CTTN: variants seen among roughly 807,000 people sequenced by gnomAD.
CTTN encodes cortactin.
A neutral mutation model predicts 84.0 loss-of-function variants in CTTN; 28 were observed. The ratio of observed to expected loss-of-function variants is 0.33; its 90% CI spans 0.25 to 0.46. The LOEUF is 0.46. CTTN is among the 20% of genes least tolerant of loss of function. CTTN has a pLI of 1.00. For synonymous variants in CTTN, 301 were observed against 288.8 expected, an observed-to-expected ratio of 1.04 and a Z score of -0.43; for missense variants, 641 against 723.8, an observed-to-expected ratio of 0.89 and a Z score of 1.31.
At chr11:70,415,958 C>A in intron 7 of CTTN, 1 of 472,196 alleles carries the variant, frequency 2.1e-6, no homozygotes, top group Non-Finnish European at 3.8e-6. Context: ...CCCTCGGAGC[C>A]CTGGCATCTG....
chr11:70,415,995 G>C (rs1236736628), intron 7 of CTTN: 4 of 412,920 alleles, frequency 9.7e-6, no homozygotes, highest in Non-Finnish European at 1.8e-5. Context: ...TCTCCCCCTT[G>C]TAGCGGAAGC....
At chr11:70,412,485 A>C (rs2058105761) in intron 5 of CTTN, among the ~76,000 whole-genome samples, 1 of 152,192 alleles carries the variant, frequency 6.6e-6, no homozygotes, top group African/African-American at 2.4e-5. Flanking sequence ...GTTATTTGTA[A>C]CTTGCCCACT....
At position 70,421,510 on chromosome 11, in the gene CTTN, G is replaced by A. The variant is rs374606099; in HGVS notation, c.831G>A (p.Ser277=). Residue 277 remains serine, a synonymous_variant, in exon 11 of 18, where the codon TCG becomes TCA. Transcript: ENST00000301843. ...TTGGAGGCAAATTCGGTGTTCAGTC[G>A]GAGAGGCAGGACTCCGCTGCTGTGG... The part of the protein sequence containing the change: ...TGFGGKFGVQ[S]ERQDSAAVGF... The A allele has an allele frequency of 6.1e-5, 99 of 1,614,104 alleles. No homozygotes were observed. The highest frequency in any genetic ancestry group is 3.3e-4 in the Middle Eastern group (2 of 6,062).
Position 70,400,320 on chromosome 11 carries a change from G to A in CTTN, c.-98+1706G>A, listed in dbSNP as rs533015267. Reference sequence around the variant, plus strand: ...CTTGTGTCTACAAAAAAAGAAATTCGCTGGGCATGTTGGCTTGCACCTGTT... The same window carrying A: ...CTTGTGTCTACAAAAAAAGAAATTCACTGGGCATGTTGGCTTGCACCTGTT... On this transcript the variant is annotated intron_variant, in intron 1 of 17. Transcript: ENST00000301843. Among the ~76,000 whole-genome samples, 72 of 152,234 alleles carry A rather than the reference G, an allele frequency of 4.7e-4. 1 individual carries two copies. In the South Asian group the frequency reaches 0.014, roughly 30 times the overall value.
chr11:70,422,919 T>C, intron 11 of CTTN, 21 bp from the exon 12 acceptor site: 1 of 1,614,092 alleles, frequency 6.2e-7, no homozygotes, highest in East Asian at 2.2e-5. Flanking sequence ...AGAGTAAGTG[T>C]TGTGTTTTGC....
intron 15 of CTTN, 118 bp downstream of exon 15, chr11:70,431,398 C>T (rs1423447559): frequency 3.5e-5 from 38 of 1,075,954 alleles, no homozygotes; most frequent in Non-Finnish European, 4.7e-5. Context: ...TAGAGGGCAT[C>T]GCTGCATTCC....
In CTTN at chr11:70,425,388, A is replaced by G. The variant is rs1390910143; in HGVS notation, c.1014A>G (p.Val338=). 1.9e-6 allele frequency: 3 copies of G among 1,611,480 alleles called. No individual in the cohort carries two copies. Among genetic ancestry groups the G allele is most frequent in the Non-Finnish European group, 2.5e-6 (3 of 1,178,898 alleles). ...TGTCCTCTGCCTACCAGAAGACAGT[A>G]CCTGTCGAAGCTGGTGAGTCCCGGC... ...TQVSSAYQKT[V]PVEAVTSKTS... Residue 338 remains valine, a synonymous_variant, in exon 13 of 18, where the codon GTA becomes GTG. Coordinates refer to ENST00000301843, the MANE Select transcript of CTTN (RefSeq NM_005231.4).
Position 70,435,253 on chromosome 11 carries a change from G to GGTTTTTTTTTTTTT in CTTN, c.*91_*92insGTTTTTTTTTTTTT. 1.1e-6 allele frequency: 1 copy of GGTTTTTTTTTTTTT among 936,826 alleles called. No individual in the cohort carries two copies. The highest frequency in any genetic ancestry group is 1.3e-6 in the Non-Finnish European group (1 of 761,254). The allele number at this position is 936,826 out of a possible 1,614,324, so 58.0% of individuals were successfully genotyped here. On this transcript the variant is annotated 3_prime_UTR_variant, in exon 18 of 18. Coordinates refer to ENST00000301843, the MANE Select transcript of CTTN (RefSeq NM_005231.4). ...TCTTGGGTGGTTTTGGGTTTTTTCT[G>GGTTTTTTTTTTTTT]TTTTTTTTTTTTTTTTTTTTTTTTT...
At chr11:70,402,717 A>G (rs1031919814) in intron 1 of CTTN, among the ~76,000 whole-genome samples, 2 of 152,200 alleles carry the variant, frequency 1.3e-5, no homozygotes, top group African/African-American at 4.8e-5. Context: ...ACCACATGTT[A>G]TGTATCTATC....
At position 70,435,597 on chromosome 11, in the gene CTTN, G is replaced by A. The variant is rs762078691; in HGVS notation, c.*435G>A. The A allele has an allele frequency of 1.3e-5, 21 of 1,579,750 alleles. 1 individual carries two copies. The South Asian group carries it at 1.5e-4, about 11-fold the overall frequency. On this transcript the variant is annotated 3_prime_UTR_variant, in exon 18 of 18. Transcript: ENST00000301843. ...GTAGGCAGGAAGGACTGTCCCAGAC[G>A]AGGGGCTTCCTCTAGAGTCTCACTG...
At position 70,415,714 on chromosome 11, in the gene CTTN, A is replaced by T. The variant is rs2058150268; in HGVS notation, c.454A>T (p.Lys152Ter). Residue 152 changes from lysine (K) to a stop codon, truncating the protein, a stop_gained, in exon 7 of 18, where the codon AAA becomes TAA. Coordinates refer to ENST00000301843, the MANE Select transcript of CTTN (RefSeq NM_005231.4). LOFTEE classifies it high-confidence loss of function. Reference sequence around the variant, plus strand: ...GAAGACTGAGAAGCATGCCTCCCAGAAAGGTAAGACGCGAAAGGTGCAGAA... The same window carrying T: ...GAAGACTGAGAAGCATGCCTCCCAGTAAGGTAAGACGCGAAAGGTGCAGAA... ...QGKTEKHASQKDYSSGFGGKY... is the reference protein window; with the variant it reads ...QGKTEKHASQ 2 of 1,614,074 alleles carry T rather than the reference A, an allele frequency of 1.2e-6. No individual in the cohort carries two copies. Among genetic ancestry groups the T allele is most frequent in the Admixed American group, 3.3e-5 (2 of 60,002 alleles).
Position 70,406,839 on chromosome 11 carries a change from C to T in CTTN, c.1-459C>T, listed in dbSNP as rs112735076. On this transcript the variant is annotated intron_variant, in intron 2 of 17. Coordinates refer to ENST00000301843, the MANE Select transcript of CTTN (RefSeq NM_005231.4). ...TAAGCACTTGAAATCAAAATGGGTG[C>T]ACTTTTTAAAAATGTGTGATAAAAT... 8.6e-3 allele frequency among the ~76,000 whole-genome samples: 1,314 copies of T among 152,242 alleles called. 18 individuals are homozygous for T. The highest frequency in any genetic ancestry group is 0.03 in the African/African-American group (1,249 of 41,524).
chr11:70,417,556 C>T (rs577085831), intron 8 of CTTN, among the ~76,000 whole-genome samples: 30 of 151,316 alleles, frequency 2.0e-4, no homozygotes, highest in Admixed American at 7.3e-4. Flanking sequence ...AGTGTAGTGG[C>T]GTGATCTCTG....
Position 70,429,033 on chromosome 11 carries a change from T to G in CTTN, c.1028-18T>G. The G allele has an allele frequency of 6.2e-7, 1 of 1,613,890 alleles. No homozygotes were observed. The highest frequency in any genetic ancestry group is 2.2e-5 in the East Asian group (1 of 44,872). ...TTTGCTGTGCTCAAGGCACACGTCC[T>G]CCCTCCTTCCTCTATAGTGACCAGC... On this transcript the variant is annotated intron_variant, in intron 13 of 17. Transcript: ENST00000301843.
chr11:70,433,251 G>T lies in CTTN; in HGVS notation c.1417G>T (p.Ala473Ser). The stretch of plus-strand genomic sequence containing the variant: ...TGCCACAGAGGCTGTCTATGAAAGC[G>T]CAGAGGCCCCGGGCCACTATCCCGC... ...AYATEAVYES[A>S]EAPGHYPAED... is the part of the protein sequence containing the mutation. The change falls in exon 16 of 18, where the codon GCA (alanine) becomes TCA (serine). Residue 473 changes from alanine (A) to serine (S), a missense_variant. This residue lies in a region of CTTN where 289 missense variants were observed against 273.1 expected (regional missense o/e 1.06). Transcript: ENST00000301843. 1 of 1,612,294 alleles carries T rather than the reference G, an allele frequency of 6.2e-7. No homozygotes were observed. Among genetic ancestry groups the T allele is most frequent in the Non-Finnish European group, 8.5e-7 (1 of 1,179,730 alleles).
Position 70,407,430 on chromosome 11 carries a change from G to A in CTTN, c.87+46G>A, listed in dbSNP as rs368528008. 4.9e-5 allele frequency: 79 copies of A among 1,612,366 alleles called. No homozygotes were observed. The African/African-American group carries it at 9.5e-4, about 19-fold the overall frequency. On this transcript the variant is annotated intron_variant, in intron 3 of 17. Coordinates refer to ENST00000301843, the MANE Select transcript of CTTN (RefSeq NM_005231.4). ...CTTTCCTCTTTCATGAAGTGGAAGT[G>A]GCTCTCCTGGGTTTTTCTTTGATGG...
rs1591433984 is a variant in CTTN, at chr11:70,409,820, C to T, written c.162-11C>T. The stretch of plus-strand genomic sequence containing the variant: ...TATTGATCTGTTCCTATTTTCATCT[C>T]TTCCATCAAGCATACACAAGCTGAG... On this transcript the variant is annotated splice_polypyrimidine_tract_variant and intron_variant, in intron 4 of 17. Transcript: ENST00000301843. 2 of 1,613,738 alleles carry T rather than the reference C, an allele frequency of 1.2e-6. No homozygotes were observed. The highest frequency in any genetic ancestry group is 1.7e-5 in the Admixed American group (1 of 59,966).
chr11:70,411,344 G>A (rs2058094407), intron 5 of CTTN, among the ~76,000 whole-genome samples: 2 of 127,896 alleles, frequency 1.6e-5, no homozygotes, highest in Admixed American at 7.9e-5. Context: ...GTGTGCACAC[G>A]GACAGACGGA....
At chr11:70,421,650 G>A (rs2058237948) in intron 11 of CTTN, 70 bp downstream of exon 11, 2 of 1,066,702 alleles carry the variant, frequency 1.9e-6, no homozygotes, top group Non-Finnish European at 1.5e-6. Flanking sequence ...ACAGACTTCA[G>A]GGCTCACCGT....
Sources: allele counts gnomAD v4.1 joint callset (sites outside exome capture counted in the v4.1 genomes callset), GRCh38; gene constraint gnomAD v4.1.1; regional missense constraint gnomAD v4.1.1; transcripts MANE v1.5; gene names NCBI Gene and HGNC (gene_info 2026-07-23, HGNC 2026-07-21).